HIF3A: variants seen among roughly 807,000 people sequenced by gnomAD.
The protein encoded by HIF3A is hypoxia-inducible factor 3-alpha.
A neutral mutation model predicts 67.2 loss-of-function variants in HIF3A; 41 were observed. That is an observed-to-expected ratio of 0.61 (90% confidence interval 0.48 to 0.79). The LOEUF (loss-of-function observed/expected upper bound fraction) is 0.79. HIF3A is among the 30% of genes least tolerant of loss of function. The probability of loss-of-function intolerance (pLI) is 0.00; values close to 1 mark genes in which losing one functional copy is unlikely to be tolerated. For synonymous variants in HIF3A, 356 were observed against 374.8 expected (o/e 0.95, Z 0.58); for missense variants, 855 against 898.0 (o/e 0.95, Z 0.61).
chr19:46,325,762 A>G, intron 11 of HIF3A, 123 bp downstream of exon 11: 2 of 664,280 alleles, frequency 3.0e-6, no homozygotes, highest in Non-Finnish European at 5.4e-6. Context: ...GGACCATTGT[A>G]TTCATTAGGT....
At chr19:46,312,719 G>A in intron 8 of HIF3A, 66 bp downstream of exon 8, 1 of 1,500,524 alleles carries the variant, frequency 6.7e-7, no homozygotes, top group Non-Finnish European at 8.9e-7. Context: ...ACAGGTGTGT[G>A]TGTGTGTGTG....
At position 46,342,337 on chromosome 19, in the gene HIF3A, T is replaced by C. The variant is rs1971960850; in HGVS notation, c.*2715T>C. ...CTCAACTCCTTCTGATTCTAGATCT[T>C]ATGGTTCCCAAATCTCTCTGGTTCT... is the stretch of plus-strand genomic sequence containing the variant. On this transcript the variant is annotated 3_prime_UTR_variant, in exon 15 of 15. Transcript: ENST00000377670. The C allele has an allele frequency of 6.6e-6, 1 of 152,136 alleles. No individual in the cohort carries two copies. The highest frequency in any genetic ancestry group is 1.5e-5 in the Non-Finnish European group (1 of 68,022). 9.4% of individuals were successfully genotyped at this position (152,136 alleles called of 1,614,324 possible). A position where few individuals can be genotyped will look rare whatever the true frequency, so the allele number is the denominator to read the frequency against.
chr19:46,315,592 G>T (rs1460857241), intron 8 of HIF3A, among the ~76,000 whole-genome samples: 1 of 152,082 alleles, frequency 6.6e-6, no homozygotes, highest in East Asian at 1.9e-4. Context: ...GAATGGATAG[G>T]TTATATAGTA....
chr19:46,338,385 T>C (rs1203209044), intron 14 of HIF3A: 1 of 394,286 alleles, frequency 2.5e-6, no homozygotes, highest in South Asian at 1.9e-5. Context: ...ATATGTTTTG[T>C]AGAGACGAGG....
At chr19:46,300,795 T>C (rs757384500) in intron 1 of HIF3A, among the ~76,000 whole-genome samples, 3 of 152,124 alleles carry the variant, frequency 2.0e-5, no homozygotes, top group Non-Finnish European at 4.4e-5. Flanking sequence ...GTCTGTGTAA[T>C]GGGAAAGACC....
At chr19:46,309,433 TTCTC>T in intron 6 of HIF3A, 74 bp downstream of exon 6, 3 of 848,590 alleles carry the variant, frequency 3.5e-6, no homozygotes, top group Non-Finnish European at 5.5e-6. Context: ...ACTCCCGCAT[TTCTC>T]TCTCTCCTTC....
intron 14 of HIF3A, among the ~76,000 whole-genome samples, chr19:46,337,354 G>A (rs977092943): frequency 2.6e-5 from 4 of 152,116 alleles, no homozygotes; most frequent in Admixed American, 6.6e-5. Flanking sequence ...GGGCTCAAGC[G>A]ATCCTCCCAT....
intron 6 of HIF3A, 61 bp from the exon 7 acceptor site, chr19:46,312,100 T>G: frequency 8.1e-7 from 1 of 1,230,174 alleles, no homozygotes; most frequent in South Asian, 1.2e-5. Flanking sequence ...TACTTCCCTC[T>G]GCCTACCCTC....
At chr19:46,321,285 A>G (rs923462626) in intron 9 of HIF3A, among the ~76,000 whole-genome samples, 3 of 152,078 alleles carry the variant, frequency 2.0e-5, no homozygotes, top group African/African-American at 7.2e-5. Flanking sequence ...CAATCTGGCC[A>G]CTGAAGTTCA....
intron 11 of HIF3A, 117 bp from the exon 12 acceptor site, chr19:46,329,090 C>T (rs1247907103): frequency 1.0e-6 from 1 of 970,390 alleles, no homozygotes; most frequent in Non-Finnish European, 1.5e-6. Context: ...GATGAGGAAA[C>T]TGAAGCTCAG....
chr19:46,305,935 C>T (rs2147134585), intron 3 of HIF3A, among the ~76,000 whole-genome samples: 1 of 152,090 alleles, frequency 6.6e-6, no homozygotes, highest in Middle Eastern at 3.4e-3. Context: ...AAAAATTTGC[C>T]AGATGTTGTG....
chr19:46,306,696 C>T (rs558589208), intron 3 of HIF3A: 1 of 152,310 alleles, frequency 6.6e-6, no homozygotes, highest in African/African-American at 2.4e-5. Context: ...TTCTCTGCCT[C>T]GTTACCCCAC....
chr19:46,335,386 C>T (rs972188392), intron 14 of HIF3A, among the ~76,000 whole-genome samples: 1 of 152,092 alleles, frequency 6.6e-6, no homozygotes, highest in Admixed American at 6.6e-5. Context: ...TCTCCTGCCT[C>T]AGCCTCCCAA....
intron 8 of HIF3A, among the ~76,000 whole-genome samples, chr19:46,317,092 T>G (rs968525537): frequency 6.6e-6 from 1 of 152,154 alleles, no homozygotes; most frequent in African/African-American, 2.4e-5. Context: ...AATTTTTTTT[T>G]GTATTTTTTG....
At chr19:46,298,096 A>C (rs1328419908) in intron 1 of HIF3A, among the ~76,000 whole-genome samples, 1 of 151,974 alleles carries the variant, frequency 6.6e-6, no homozygotes, top group African/African-American at 2.4e-5. Context: ...AAAATGTTCT[A>C]GGTCCTCAGC....
chr19:46,297,211 GC>G lies in HIF3A; in HGVS notation c.26+113del. On this transcript the variant is annotated intron_variant, in intron 1 of 14. Transcript: ENST00000377670. This position sits in a 1 kb window ranked among gnomAD's most constrained non-coding sequence, Gnocchi z 4.5. ...GGGTTCGCGGGTGCGAGCCAAGAAC[GC>G]CCCGGGGCGCGCAGTTGGAGGCACA... is the stretch of plus-strand genomic sequence containing the variant. The G allele has an allele frequency of 3.1e-6, 2 of 638,752 alleles. No homozygotes were observed. The highest frequency in any genetic ancestry group is 2.4e-6 in the Non-Finnish European group (1 of 424,680). 39.6% of individuals were successfully genotyped at this position (638,752 alleles called of 1,614,324 possible).
chr19:46,312,011 G>T, intron 6 of HIF3A, 150 bp from the exon 7 acceptor site: 1 of 774,880 alleles, frequency 1.3e-6, no homozygotes, highest in Non-Finnish European at 2.4e-6. Context: ...CACTCCTCTT[G>T]TTCTGTTTCT....
chr19:46,310,536 G>A (rs1334753127), intron 6 of HIF3A: 1 of 452,682 alleles, frequency 2.2e-6, no homozygotes, highest in Non-Finnish European at 4.4e-6. Context: ...CTGGTGTCAT[G>A]CTTAGGAATG....
chr19:46,339,337 G>A (rs1971843761), intron 14 of HIF3A, among the ~76,000 whole-genome samples, 188 bp from the exon 15 acceptor site: 1 of 152,178 alleles, frequency 6.6e-6, no homozygotes, highest in African/African-American at 2.4e-5. Flanking sequence ...TTGTTCCAGT[G>A]TGCTCTCATG....
Sources: allele counts gnomAD v4.1 joint callset (sites outside exome capture counted in the v4.1 genomes callset), GRCh38; gene constraint gnomAD v4.1.1; non-coding constraint Gnocchi (gnomAD v3.1); transcripts MANE v1.5; gene names NCBI Gene and HGNC (gene_info 2026-07-23, HGNC 2026-07-21).